The following SETD5 variants were observed in gnomAD, a reference collection of about 807,000 sequenced individuals.
The protein encoded by SETD5 is histone-lysine N-methyltransferase SETD5.
SETD5 carries 44 observed loss-of-function variants against 153.3 expected under a neutral mutation model. The observed-to-expected ratio is 0.29, with a 90% CI of 0.23 to 0.37. The LOEUF is 0.37. SETD5 is among the 10% of genes least tolerant of loss of function. The pLI is 1.00. For missense variants in SETD5, 1,544 were observed against 1,768.0 expected, an observed-to-expected ratio of 0.87 and a Z score of 2.27; for synonymous variants, 716 against 645.2, an observed-to-expected ratio of 1.11 and a Z score of -1.66.
intron 2 of SETD5, among the ~76,000 whole-genome samples, chr3:9,428,097 C>G (rs1489562122): frequency 6.6e-6 from 1 of 152,078 alleles, no homozygotes; most frequent in Non-Finnish European, 1.5e-5. Context: ...CAGGAAAATT[C>G]ATCAGGAGAT....
intron 1 of SETD5, chr3:9,398,268 C>T (rs1002343569): frequency 1.3e-5 from 2 of 152,212 alleles, no homozygotes; most frequent in Non-Finnish European, 2.9e-5. Flanking sequence ...TCTTCACCCC[C>T]TTTCCTGGGA....
In SETD5 at chr3:9,448,642, T is replaced by C; in HGVS notation, c.2346+12T>C. The C allele has an allele frequency of 6.5e-7, 1 of 1,545,772 alleles. No homozygotes were observed. On this transcript the variant is annotated intron_variant, in intron 16 of 22. Transcript: ENST00000402198. Reference sequence around the variant, plus strand: ...GCTCCTGTAAGAAGGTATGTCTGTGTTTTTGTGTGTGTGTTGTGTTTATGT... The same window carrying C: ...GCTCCTGTAAGAAGGTATGTCTGTGCTTTTGTGTGTGTGTTGTGTTTATGT...
chr3:9,434,307 A>C lies in SETD5; in HGVS notation c.178-27A>C. The stretch of plus-strand genomic sequence containing the variant: ...TAATTACGGAGCCCCTCCTCCTCCG[A>C]CACCTCCTGCTTCTCCCCCTGTCCA... On this transcript the variant is annotated intron_variant, in intron 4 of 22. Coordinates refer to ENST00000402198, the MANE Select transcript of SETD5 (RefSeq NM_001080517.3). The surrounding 1 kb of genome is among the most constrained non-coding windows in gnomAD (Gnocchi z 5.6). The C allele has an allele frequency of 6.2e-7, 1 of 1,613,400 alleles. No homozygotes were observed. Among genetic ancestry groups the C allele is most frequent in the Non-Finnish European group, 8.5e-7 (1 of 1,179,448 alleles).
At position 9,418,743 on chromosome 3, in the gene SETD5, C is replaced by T. The variant is rs144554620; in HGVS notation, c.-176-5724C>T. Among the ~76,000 whole-genome samples, 327 of 148,458 alleles carry T rather than the reference C, an allele frequency of 2.2e-3. 1 individual carries two copies. The highest frequency in any genetic ancestry group is 7.6e-3 in the African/African-American group (311 of 40,702). On this transcript the variant is annotated intron_variant, in intron 1 of 22. Coordinates refer to ENST00000402198, the MANE Select transcript of SETD5 (RefSeq NM_001080517.3). Reference sequence around the variant, plus strand: ...GCTTGAACCCGGGAGGTGGAGGTTGCAGTGAGCTGAGATCCTGCCATTGCA... The same window carrying T: ...GCTTGAACCCGGGAGGTGGAGGTTGTAGTGAGCTGAGATCCTGCCATTGCA...
chr3:9,446,926 A>AT (rs1268723136), intron 13 of SETD5, 124 bp from the exon 14 acceptor site: 1 of 639,742 alleles, frequency 1.6e-6, no homozygotes, highest in Non-Finnish European at 2.7e-6. Flanking sequence ...TTTCCAAGTT[A>AT]TATGTGTCAT....
At chr3:9,466,116 G>A (rs558621455) in intron 18 of SETD5, among the ~76,000 whole-genome samples, 18 of 151,916 alleles carry the variant, frequency 1.2e-4, no homozygotes, top group South Asian at 4.2e-4. Context: ...GTGAAACCCC[G>A]TCTCTACTAA....
At chr3:9,416,992 G>A (rs577979339) in intron 1 of SETD5, among the ~76,000 whole-genome samples, 5 of 151,802 alleles carry the variant, frequency 3.3e-5, no homozygotes, top group East Asian at 1.9e-4. Flanking sequence ...ACAAAGTTTT[G>A]AAGGAGAAGG....
intron 13 of SETD5, among the ~76,000 whole-genome samples, chr3:9,446,119 C>G (rs2041958656): frequency 6.6e-6 from 1 of 150,896 alleles, no homozygotes. Flanking sequence ...AACCTTGTCT[C>G]TACTAAAAAT....
At chr3:9,448,690 C>A (rs1000509174) in intron 16 of SETD5, 60 bp downstream of exon 16, 2 of 1,398,092 alleles carry the variant, frequency 1.4e-6, no homozygotes, top group Non-Finnish European at 1.9e-6. Flanking sequence ...TTTTTTTAAG[C>A]CTAAGATTCC....
At chr3:9,450,636 A>G (rs979560225) in intron 16 of SETD5, among the ~76,000 whole-genome samples, 2 of 152,198 alleles carry the variant, frequency 1.3e-5, no homozygotes, top group African/African-American at 2.4e-5. Context: ...ACCTAAGAAC[A>G]TTTTCATTAT....
chr3:9,461,137 G>A (rs2043909338), intron 17 of SETD5, among the ~76,000 whole-genome samples: 1 of 152,122 alleles, frequency 6.6e-6, no homozygotes, highest in Non-Finnish European at 1.5e-5. Flanking sequence ...TAGAATGCAG[G>A]CTGAAGAACA....
chr3:9,445,956 G>A (rs1368889850), intron 13 of SETD5, among the ~76,000 whole-genome samples: 1 of 128,432 alleles, frequency 7.8e-6, no homozygotes, highest in Non-Finnish European at 1.6e-5. Context: ...GTGATGGTTT[G>A]AAGAGGTTGT....
intron 16 of SETD5, among the ~76,000 whole-genome samples, chr3:9,452,325 C>T (rs1289802665): frequency 6.6e-6 from 1 of 152,164 alleles, no homozygotes; most frequent in African/African-American, 2.4e-5. Context: ...ATTTTTCACT[C>T]CTGAGCCTAA....
intron 17 of SETD5, among the ~76,000 whole-genome samples, chr3:9,455,737 T>C (rs183226576): frequency 3.3e-4 from 50 of 152,306 alleles, no homozygotes; most frequent in Admixed American, 2.5e-3. Context: ...TGTTAATGCA[T>C]GTGTATAGTT....
intron 21 of SETD5, 37 bp downstream of exon 21, chr3:9,474,619 G>A (rs981820969): frequency 6.2e-7 from 1 of 1,610,270 alleles, no homozygotes; most frequent in African/African-American, 1.3e-5. Flanking sequence ...CACATTCAGG[G>A]ACACATGAGC....
intron 17 of SETD5, 30 bp downstream of exon 17, chr3:9,453,898 G>T: frequency 1.3e-6 from 2 of 1,491,900 alleles, no homozygotes; most frequent in South Asian, 1.4e-5. Flanking sequence ...CTGATTATAT[G>T]ACCAATGATT....
chr3:9,474,390 G>A, intron 20 of SETD5, 59 bp from the exon 21 acceptor site: 1 of 1,591,064 alleles, frequency 6.3e-7, no homozygotes, highest in Non-Finnish European at 8.6e-7. Flanking sequence ...CACTGGTTAG[G>A]GCTTCATTTG....
At position 9,464,480 on chromosome 3, in the gene SETD5, C is replaced by T. The variant is rs376710019; in HGVS notation, c.2532C>T (p.Val844=). ...WKSRYLMEQN[V]TKLLRPLSPV... ...CTCGCTATCTGATGGAGCAGAATGT[C>T]ACCAAGTTACTTCGGCCTCTGTCTC... The change falls in exon 18 of 23, where the codon GTC becomes GTT. Residue 844 remains valine, a synonymous_variant. Coordinates refer to ENST00000402198, the MANE Select transcript of SETD5 (RefSeq NM_001080517.3). The T allele has an allele frequency of 7.4e-6, 12 of 1,614,010 alleles. No homozygotes were observed. The highest frequency in any genetic ancestry group is 2.7e-5 in the African/African-American group (2 of 75,060).
At chr3:9,445,570 T>A (rs754818879) in intron 12 of SETD5, 87 bp from the exon 13 acceptor site, 1 of 1,190,936 alleles carries the variant, frequency 8.4e-7, no homozygotes, top group South Asian at 1.4e-5. Context: ...CTAGAGATTG[T>A]TATAGAGAGT....
Sources: gnomAD v4.1 joint callset for allele counts (sites outside exome capture counted in the v4.1 genomes callset) on GRCh38, gnomAD v4.1.1 for gene constraint, Gnocchi (gnomAD v3.1) non-coding constraint, MANE v1.5 for transcripts, NCBI Gene and HGNC (gene_info 2026-07-23, HGNC 2026-07-21) for gene names.